Variants in TBCK observed in about 807,000 individuals in gnomAD.
TBCK encodes the protein TBC domain-containing protein kinase-like protein.
In TBCK, 99 loss-of-function variants were observed where a neutral mutation model predicts 113.4. The ratio of observed to expected loss-of-function variants is 0.87; its 90% CI spans 0.74 to 1.03. The LOEUF (loss-of-function observed/expected upper bound fraction) is 1.03. Ranked by LOEUF, TBCK falls within the 50% of genes least tolerant of loss-of-function variation. TBCK has a pLI of 0.00. For synonymous variants in TBCK, 369 were observed against 370.8 expected (o/e 1.00, Z 0.05); for missense variants, 1,045 against 1,061.3 (o/e 0.98, Z 0.21).
At chr4:106,308,151 G>A (rs1446928749) in intron 2 of TBCK, among the ~76,000 whole-genome samples, 4 of 152,118 alleles carry the variant, frequency 2.6e-5, no homozygotes, top group African/African-American at 9.7e-5. Context: ...TAAAAATCCT[G>A]ATTCTCAGAT....
intron 19 of TBCK, among the ~76,000 whole-genome samples, chr4:106,214,973 G>A (rs1436193306): frequency 1.1e-4 from 17 of 150,876 alleles, no homozygotes; most frequent in Admixed American, 6.6e-4. Context: ...GAGAAAGGTC[G>A]GGTTACCCTC....
chr4:106,205,043 G>A (rs920840709), intron 20 of TBCK, among the ~76,000 whole-genome samples: 3 of 152,018 alleles, frequency 2.0e-5, no homozygotes, highest in African/African-American at 4.8e-5. Flanking sequence ...GGGATTACAC[G>A]CGTGAGCCAC....
rs1268770304 is a variant in TBCK at position 106,045,786 on chromosome 4, A to G, written c.*784T>C. 1 of 151,954 alleles carries G rather than the reference A, an allele frequency of 6.6e-6. No individual in the cohort carries two copies. Among genetic ancestry groups the G allele is most frequent in the African/African-American group, 2.4e-5 (1 of 41,318 alleles). The allele number at this position is 151,954 out of a possible 1,614,324, so 9.4% of individuals were successfully genotyped here. On this transcript the variant is annotated 3_prime_UTR_variant, in exon 26 of 26. Transcript: ENST00000394708. ...TGGTAGAAGCTGAGGAGCCATTTTC[A>G]TCCATGAGATGGATGCCACATATTG...
intron 23 of TBCK, among the ~76,000 whole-genome samples, chr4:106,152,626 C>T (rs1021159444): frequency 6.6e-6 from 1 of 152,040 alleles, no homozygotes; most frequent in Non-Finnish European, 1.5e-5. Context: ...CTTCCCTCCA[C>T]TATTTTTCAG....
At chr4:106,266,247 T>A (rs1248879976) in intron 3 of TBCK, among the ~76,000 whole-genome samples, 1 of 151,764 alleles carries the variant, frequency 6.6e-6, no homozygotes, top group African/African-American at 2.4e-5. Flanking sequence ...TTCCCTGAGA[T>A]TAGCAAAATG....
At chr4:106,126,543 T>C (rs1458929000) in intron 23 of TBCK, among the ~76,000 whole-genome samples, 1 of 152,240 alleles carries the variant, frequency 6.6e-6, no homozygotes, top group Non-Finnish European at 1.5e-5. Context: ...TTTCTCCACT[T>C]GACTTACAGT....
At chr4:106,166,154 T>C (rs1033230237) in intron 23 of TBCK, among the ~76,000 whole-genome samples, 2 of 151,742 alleles carry the variant, frequency 1.3e-5, no homozygotes, top group South Asian at 4.1e-4. Flanking sequence ...GTATCTGCTT[T>C]CTATTATACT....
In TBCK at chr4:106,265,156, T is replaced by A. The variant is rs187971163; in HGVS notation, c.267-2944A>T. ...CACAGAAATATTCACAAGGAAAATTTGATTTGCTACATCTTTCACTGTTTT... is the reference window on the plus strand; with the variant it reads ...CACAGAAATATTCACAAGGAAAATTAGATTTGCTACATCTTTCACTGTTTT... On this transcript the variant is annotated intron_variant, in intron 3 of 25. Transcript: ENST00000394708. 4.9e-3 allele frequency among the ~76,000 whole-genome samples: 746 copies of A among 152,116 alleles called. 4 individuals carry two copies. Among genetic ancestry groups the A allele is most frequent in the African/African-American group, 0.017 (718 of 41,552 alleles).
intron 25 of TBCK, among the ~76,000 whole-genome samples, chr4:106,091,084 C>G (rs995742316): frequency 1.1e-4 from 17 of 152,242 alleles, no homozygotes; most frequent in Admixed American, 1.0e-3. Context: ...TAAAGAAGTA[C>G]CTGAGACTGG....
chr4:106,288,160 G>A (rs1199491098), intron 3 of TBCK, among the ~76,000 whole-genome samples: 2 of 150,390 alleles, frequency 1.3e-5, no homozygotes, highest in Admixed American at 6.6e-5. Context: ...CTGGGAGGCC[G>A]AGGCAGGCAG....
chr4:106,195,451 T>C (rs950890973), intron 20 of TBCK, among the ~76,000 whole-genome samples: 10 of 151,046 alleles, frequency 6.6e-5, no homozygotes, highest in African/African-American at 2.4e-4. Context: ...GTTAATTGAC[T>C]GCATCAGGTG....
At chr4:106,114,716 G>A (rs141595844) in intron 24 of TBCK, among the ~76,000 whole-genome samples, 3 of 152,114 alleles carry the variant, frequency 2.0e-5, no homozygotes, top group Non-Finnish European at 4.4e-5. Flanking sequence ...TTAAAATAGG[G>A]TGTTATAATG....
At chr4:106,099,647 C>CA (rs1741319817) in intron 24 of TBCK, among the ~76,000 whole-genome samples, 1 of 152,080 alleles carries the variant, frequency 6.6e-6, no homozygotes, top group Non-Finnish European at 1.5e-5. Flanking sequence ...ATCAACCAGT[C>CA]AAAAATCTCA....
intron 19 of TBCK, among the ~76,000 whole-genome samples, chr4:106,218,161 G>C (rs200196494): frequency 0.11 from 15,107 of 139,730 alleles, 882 homozygotes; most frequent in South Asian, 0.18. Context: ...AAACTGGCTA[G>C]CCATATGTAG....
intron 3 of TBCK, among the ~76,000 whole-genome samples, chr4:106,266,479 T>C (rs1183635112): frequency 6.6e-6 from 1 of 151,900 alleles, no homozygotes; most frequent in Non-Finnish European, 1.5e-5. Context: ...CTGAAACTAC[T>C]GAACACATAG....
chr4:106,183,055 A>C (rs1752591364), intron 22 of TBCK, among the ~76,000 whole-genome samples: 1 of 152,070 alleles, frequency 6.6e-6, no homozygotes, highest in African/African-American at 2.4e-5. Context: ...AATATTAGAA[A>C]TCTCTCAGGA....
intron 19 of TBCK, among the ~76,000 whole-genome samples, chr4:106,217,215 C>T (rs1464738158): frequency 6.6e-6 from 1 of 152,230 alleles, no homozygotes; most frequent in Non-Finnish European, 1.5e-5. Flanking sequence ...ATGGGACATA[C>T]TTCAAAATAA....
rs1388591239 is a variant in TBCK, at chr4:106,135,769, G to T, written c.2236-19391C>A. 1.4e-5 allele frequency among the ~76,000 whole-genome samples: 2 copies of T among 141,566 alleles called. 1 individual carries two copies. Among genetic ancestry groups the T allele is most frequent in the Non-Finnish European group, 3.2e-5 (2 of 62,414 alleles). The allele number at this position is 141,566 out of a possible 152,430, so 92.9% of individuals were successfully genotyped here. On this transcript the variant is annotated intron_variant, in intron 23 of 25. Coordinates refer to ENST00000394708, the MANE Select transcript of TBCK (RefSeq NM_001163435.3). ...AACAAAGATACTTGTTCTTATAAAA[G>T]TTAAAGTCAATGGGTGTAAAAATGA...
intron 24 of TBCK, among the ~76,000 whole-genome samples, chr4:106,096,432 GT>G (rs2149520500): frequency 6.6e-6 from 1 of 152,326 alleles, no homozygotes; most frequent in East Asian, 1.9e-4. Flanking sequence ...GCCTGAATCA[GT>G]TGCCAGAGAG....
Sources: gnomAD v4.1 joint callset for allele counts (sites outside exome capture counted in the v4.1 genomes callset) on GRCh38, gnomAD v4.1.1 for gene constraint, MANE v1.5 for transcripts, NCBI Gene and HGNC (gene_info 2026-07-23, HGNC 2026-07-21) for gene names.